Variants in PXDNL observed in about 807,000 individuals in gnomAD.
PXDNL encodes probable oxidoreductase PXDNL.
In PXDNL, 145 loss-of-function variants were observed where a neutral mutation model predicts 150.8. That is an observed-to-expected ratio of 0.96 (90% confidence interval 0.84 to 1.10). PXDNL has a LOEUF of 1.10. PXDNL is among the 50% of genes least tolerant of loss of function. The pLI is 0.00. For synonymous variants in PXDNL, 757 were observed against 725.7 expected, an observed-to-expected ratio of 1.04 and a Z score of -0.69; for missense variants, 2,087 against 1,873.9, an observed-to-expected ratio of 1.11 and a Z score of -2.10.
intron 3 of PXDNL, among the ~76,000 whole-genome samples, chr8:51,566,656 G>C (rs1289064373): frequency 6.6e-6 from 1 of 151,308 alleles, no homozygotes; most frequent in African/African-American, 2.4e-5. Context: ...TGTGATATTA[G>C]TAATTTATGT....
chr8:51,611,392 A>G (rs963447655), intron 2 of PXDNL, among the ~76,000 whole-genome samples: 3 of 152,210 alleles, frequency 2.0e-5, no homozygotes, highest in African/African-American at 7.2e-5. Flanking sequence ...TGGTAGTTAC[A>G]CGAGTGTTTA....
intron 1 of PXDNL, among the ~76,000 whole-genome samples, chr8:51,756,804 A>T (rs2037107054): frequency 6.6e-6 from 1 of 151,692 alleles, no homozygotes; most frequent in African/African-American, 2.4e-5. Flanking sequence ...GTTTTTTTTT[A>T]ATCTGTACTA....
chr8:51,441,991 C>A (rs1340492238), intron 12 of PXDNL, among the ~76,000 whole-genome samples: 1 of 152,082 alleles, frequency 6.6e-6, no homozygotes, highest in Non-Finnish European at 1.5e-5. Context: ...GGAGAGGTCG[C>A]CACACTGCTG....
chr8:51,471,136 T>C (rs1810321105), intron 8 of PXDNL, among the ~76,000 whole-genome samples: 1 of 70,774 alleles, frequency 1.4e-5, no homozygotes, highest in Admixed American at 1.8e-4. Flanking sequence ...TTAAACAAAT[T>C]TACAAAAAAA....
chr8:51,407,911 GAATCCTTC>G (rs1808480736), intron 17 of PXDNL, among the ~76,000 whole-genome samples, 148 bp downstream of exon 17: 1 of 152,120 alleles, frequency 6.6e-6, no homozygotes, highest in African/African-American at 2.4e-5. Context: ...GGTTTCTGGT[GAATCCTTC>G]CTTTAATATT....
intron 2 of PXDNL, among the ~76,000 whole-genome samples, chr8:51,641,616 C>A (rs1053819796): frequency 2.6e-5 from 4 of 151,188 alleles, no homozygotes; most frequent in Non-Finnish European, 5.9e-5. Flanking sequence ...TGCTCACCAT[C>A]ACTGGCCATC....
At chr8:51,558,563 T>C (rs1411429417) in intron 3 of PXDNL, among the ~76,000 whole-genome samples, 1 of 152,078 alleles carries the variant, frequency 6.6e-6, no homozygotes, top group Non-Finnish European at 1.5e-5. Context: ...TGAGGAGTTG[T>C]TTCATAAAGA....
At chr8:51,428,671 C>A (rs1439251578) in intron 12 of PXDNL, among the ~76,000 whole-genome samples, 1 of 152,130 alleles carries the variant, frequency 6.6e-6, no homozygotes, top group African/African-American at 2.4e-5. Flanking sequence ...GAAAAATAAA[C>A]CTTTACCTAA....
intron 17 of PXDNL, among the ~76,000 whole-genome samples, chr8:51,393,629 T>C (rs1296886280): frequency 1.3e-5 from 2 of 152,250 alleles, no homozygotes; most frequent in African/African-American, 4.8e-5. Context: ...TATGTCACCT[T>C]ACGTGGCAAA....
At chr8:51,671,555 A>G (rs1451782491) in intron 1 of PXDNL, among the ~76,000 whole-genome samples, 1 of 152,202 alleles carries the variant, frequency 6.6e-6, no homozygotes, top group Non-Finnish European at 1.5e-5. Flanking sequence ...CAAATAACCT[A>G]CTAATTTTAT....
intron 3 of PXDNL, among the ~76,000 whole-genome samples, chr8:51,589,243 C>T (rs7817121): frequency 0.051 from 7,760 of 152,204 alleles, 462 homozygotes; most frequent in African/African-American, 0.15. Flanking sequence ...TGTTCTCTCA[C>T]AGTAGCAGAA....
chr8:51,380,850 G>T (rs539905496), intron 17 of PXDNL, among the ~76,000 whole-genome samples: 2 of 152,074 alleles, frequency 1.3e-5, no homozygotes, highest in East Asian at 3.9e-4. Flanking sequence ...GAGAAATGTT[G>T]CATTTTACAT....
chr8:51,671,866 T>C (rs1278974135), intron 1 of PXDNL, among the ~76,000 whole-genome samples: 1 of 152,210 alleles, frequency 6.6e-6, no homozygotes, highest in East Asian at 1.9e-4. Context: ...GTCATAAACA[T>C]TTCAGAATTA....
intron 8 of PXDNL, among the ~76,000 whole-genome samples, chr8:51,469,977 AG>A (rs1404193762): frequency 6.6e-6 from 1 of 152,020 alleles, no homozygotes; most frequent in Non-Finnish European, 1.5e-5. Flanking sequence ...AATACATCTT[AG>A]CTTCTTTAGT....
At chr8:51,430,020 C>T (rs1355039803) in intron 12 of PXDNL, among the ~76,000 whole-genome samples, 1 of 152,128 alleles carries the variant, frequency 6.6e-6, no homozygotes, top group Non-Finnish European at 1.5e-5. Context: ...CAGTGATGCT[C>T]CTGATCCAAT....
intron 17 of PXDNL, among the ~76,000 whole-genome samples, chr8:51,380,862 G>A (rs920556545): frequency 1.3e-5 from 2 of 152,018 alleles, no homozygotes; most frequent in African/African-American, 2.4e-5. Context: ...ATTTTACATG[G>A]AATGTTTTTT....
chr8:51,763,320 TA>T (rs58440027), intron 1 of PXDNL, among the ~76,000 whole-genome samples: 11,357 of 141,440 alleles, frequency 0.08, 593 homozygotes, highest in African/African-American at 0.16. Flanking sequence ...CTTAAAGTAT[TA>T]AAAAAAAAAA....
At chr8:51,681,649 G>A (rs564135021) in intron 1 of PXDNL, among the ~76,000 whole-genome samples, 16 of 152,290 alleles carry the variant, frequency 1.1e-4, no homozygotes, top group South Asian at 2.1e-4. Context: ...ATATGGCCAC[G>A]GACAACAATA....
At chr8:51,806,335 C>T (rs556167975) in intron 1 of PXDNL, among the ~76,000 whole-genome samples, 1 of 152,278 alleles carries the variant, frequency 6.6e-6, no homozygotes, top group East Asian at 1.9e-4. Flanking sequence ...TTATTTACAT[C>T]ATTTCCATGT....
Sources: gnomAD v4.1 joint callset for allele counts (sites outside exome capture counted in the v4.1 genomes callset) on GRCh38, gnomAD v4.1.1 for gene constraint, MANE v1.5 for transcripts, NCBI Gene and HGNC (gene_info 2026-07-23, HGNC 2026-07-21) for gene names.